DLG2: variants seen among roughly 807,000 people sequenced by gnomAD.
The protein encoded by DLG2 is discs large MAGUK scaffold protein 2, also known as disks large homolog 2.
In DLG2, 45 loss-of-function variants were observed where a neutral mutation model predicts 132.5. The observed-to-expected ratio is 0.34, with a 90% CI of 0.27 to 0.44. The LOEUF (loss-of-function observed/expected upper bound fraction) is 0.44. DLG2 is among the 20% of genes least tolerant of loss of function. The probability of loss-of-function intolerance (pLI) is 1.00; values close to 1 mark genes in which losing one functional copy is unlikely to be tolerated. For missense variants in DLG2, 1,045 were observed against 1,196.9 expected, an observed-to-expected ratio of 0.87 and a Z score of 1.87; for synonymous variants, 424 against 419.6, an observed-to-expected ratio of 1.01 and a Z score of -0.13.
At chr11:84,514,081 T>A (rs2099265115) in intron 7 of DLG2, among the ~76,000 whole-genome samples, 1 of 152,052 alleles carries the variant, frequency 6.6e-6, no homozygotes, top group African/African-American at 2.4e-5. Context: ...CAAACAGGCC[T>A]ATGGAAACGT....
At chr11:84,548,863 C>A (rs1414484994) in intron 6 of DLG2, among the ~76,000 whole-genome samples, 1 of 152,106 alleles carries the variant, frequency 6.6e-6, no homozygotes, top group African/African-American at 2.4e-5. Context: ...GTATGCAAGG[C>A]AGGGAAGAGG....
At chr11:83,743,882 T>C (rs924550253) in intron 18 of DLG2, among the ~76,000 whole-genome samples, 2 of 152,196 alleles carry the variant, frequency 1.3e-5, no homozygotes, top group African/African-American at 2.4e-5. Flanking sequence ...AGGTTGGCTA[T>C]ATTTATTACG....
intron 7 of DLG2, among the ~76,000 whole-genome samples, chr11:84,365,889 G>A (rs1156239025): frequency 1.3e-5 from 2 of 151,994 alleles, no homozygotes; most frequent in Admixed American, 6.6e-5. Context: ...AAAACACTCT[G>A]CAGGATATTA....
chr11:85,028,900 G>A (rs142182981), intron 6 of DLG2, among the ~76,000 whole-genome samples: 118 of 152,196 alleles, frequency 7.8e-4, no homozygotes, highest in African/African-American at 2.1e-3. Flanking sequence ...TCTGTGGAGC[G>A]CGCAGCCCCA....
intron 6 of DLG2, among the ~76,000 whole-genome samples, chr11:84,868,094 T>C: frequency 6.7e-6 from 1 of 148,172 alleles, no homozygotes; most frequent in East Asian, 1.9e-4. Context: ...TAATTCTTAT[T>C]AATAATATAT....
chr11:84,770,208 A>G (rs1363900198), intron 6 of DLG2, among the ~76,000 whole-genome samples: 1 of 152,164 alleles, frequency 6.6e-6, no homozygotes, highest in Admixed American at 6.5e-5. Flanking sequence ...ACCTTCTCCC[A>G]TGAGTAAAAG....
intron 5 of DLG2, among the ~76,000 whole-genome samples, chr11:85,125,717 C>A (rs1448006960): frequency 6.6e-6 from 1 of 151,962 alleles, no homozygotes; most frequent in African/African-American, 2.4e-5. Flanking sequence ...GAATGCACCT[C>A]ATCTTTAAGA....
intron 22 of DLG2, among the ~76,000 whole-genome samples, chr11:83,480,209 T>C (rs1187377533): frequency 5.3e-5 from 8 of 152,096 alleles, no homozygotes; most frequent in Admixed American, 3.9e-4. Flanking sequence ...CTCTAGTGTC[T>C]TTTTTATCTT....
intron 18 of DLG2, among the ~76,000 whole-genome samples, chr11:83,679,449 T>A (rs576985810): frequency 6.6e-6 from 1 of 152,222 alleles, no homozygotes; most frequent in Non-Finnish European, 1.5e-5. Context: ...AAATAAAATG[T>A]ATTCTTTGAA....
At chr11:83,975,036 G>C (rs983891921) in intron 12 of DLG2, among the ~76,000 whole-genome samples, 3 of 151,968 alleles carry the variant, frequency 2.0e-5, no homozygotes, top group Non-Finnish European at 4.4e-5. Flanking sequence ...TGTGCCAAGG[G>C]GCTTTGTCAA....
chr11:85,013,294 T>G (rs1221674517), intron 6 of DLG2, among the ~76,000 whole-genome samples: 2 of 152,152 alleles, frequency 1.3e-5, no homozygotes, highest in African/African-American at 4.8e-5. Context: ...GAGATGTAGC[T>G]TCTGTCTGAC....
intron 7 of DLG2, among the ~76,000 whole-genome samples, chr11:84,325,347 C>T (rs2098425303): frequency 6.6e-6 from 1 of 152,024 alleles, no homozygotes; most frequent in Admixed American, 6.6e-5. Flanking sequence ...TTCTCTAATG[C>T]TATTCCTCCC....
At chr11:84,091,555 C>T (rs558115440) in intron 10 of DLG2, among the ~76,000 whole-genome samples, 7 of 152,244 alleles carry the variant, frequency 4.6e-5, no homozygotes, top group East Asian at 1.9e-4. Flanking sequence ...ACAGTATTAC[C>T]GGAGACCTGC....
In DLG2 at chr11:83,480,115, C is replaced by A. The variant is rs184256757; in HGVS notation, c.2293+4014G>T. Among the ~76,000 whole-genome samples the A allele has an allele frequency of 2.0e-4, 30 of 152,184 alleles. No homozygotes were observed. The East Asian group carries it at 3.5e-3, about 18-fold the overall frequency. On this transcript the variant is annotated intron_variant, in intron 22 of 27. Transcript: ENST00000376104. Reference sequence around the variant, plus strand: ...CACCTTCTCTGTGAGAATTGAATCACTGAGTCACAACCAACTGAGGTTGGA... The same window carrying A: ...CACCTTCTCTGTGAGAATTGAATCAATGAGTCACAACCAACTGAGGTTGGA...
At chr11:84,262,730 T>C (rs1325304238) in intron 7 of DLG2, among the ~76,000 whole-genome samples, 4 of 151,898 alleles carry the variant, frequency 2.6e-5, no homozygotes, top group African/African-American at 9.7e-5. Context: ...TCTTAGGCCT[T>C]TGCATCCTCA....
intron 3 of DLG2, among the ~76,000 whole-genome samples, chr11:85,338,210 G>A (rs1354070736): frequency 6.6e-6 from 1 of 151,952 alleles, no homozygotes; most frequent in Non-Finnish European, 1.5e-5. Context: ...GGGAAAAAAG[G>A]GAAATCCAAA....
chr11:83,692,752 C>T (rs975823307), intron 18 of DLG2, among the ~76,000 whole-genome samples: 4 of 152,154 alleles, frequency 2.6e-5, no homozygotes, highest in Non-Finnish European at 5.9e-5. Flanking sequence ...ATCTGGTTCA[C>T]CAAACTCATT....
chr11:85,339,196 C>T (rs1235744129), intron 3 of DLG2, among the ~76,000 whole-genome samples: 1 of 152,142 alleles, frequency 6.6e-6, no homozygotes, highest in Admixed American at 6.5e-5. Flanking sequence ...CTTCCTTATT[C>T]TTTCTTAACA....
chr11:85,024,370 G>A (rs1240761706), intron 6 of DLG2, among the ~76,000 whole-genome samples: 2 of 151,970 alleles, frequency 1.3e-5, no homozygotes, highest in Non-Finnish European at 1.5e-5. Context: ...CAAGGTAAAC[G>A]GCACCAAAAC....
Sources: gnomAD v4.1 joint callset for allele counts (sites outside exome capture counted in the v4.1 genomes callset) on GRCh38, gnomAD v4.1.1 for gene constraint, MANE v1.5 for transcripts, NCBI Gene and HGNC (gene_info 2026-07-23, HGNC 2026-07-21) for gene names.